HK1: variants seen among roughly 807,000 people sequenced by gnomAD.
HK1 encodes the protein hexokinase 1.
A neutral mutation model predicts 91.6 loss-of-function variants in HK1; 28 were observed. That is an observed-to-expected ratio of 0.31 (90% CI 0.23 to 0.42). HK1 has a LOEUF of 0.42. Ranked by LOEUF, HK1 falls within the 10% of genes least tolerant of loss-of-function variation. The pLI, the probability that HK1 is intolerant of heterozygous loss-of-function variation, is 1.00. For synonymous variants in HK1, 430 were observed against 468.1 expected, an observed-to-expected ratio of 0.92 and a Z score of 1.05; for missense variants, 770 against 1,219.8, an observed-to-expected ratio of 0.63 and a Z score of 5.49.
chr10:69,270,398 T>A (rs1344514487), intron 1 of HK1, among the ~76,000 whole-genome samples: 3 of 152,090 alleles, frequency 2.0e-5, no homozygotes, highest in Non-Finnish European at 4.4e-5. Flanking sequence ...CTGGCCAACA[T>A]GGTGAAACCT....
chr10:69,338,788 T>G (rs1369486729), intron 1 of HK1: 3 of 936,756 alleles, frequency 3.2e-6, no homozygotes, highest in South Asian at 1.7e-5. Flanking sequence ...TGTGTGTGTG[T>G]AGAGAGAGAG....
At chr10:69,393,220 A>G (rs1201890059) in intron 15 of HK1, among the ~76,000 whole-genome samples, 1 of 152,070 alleles carries the variant, frequency 6.6e-6, no homozygotes, top group Non-Finnish European at 1.5e-5. Flanking sequence ...ACCTCAGGTG[A>G]TCCGCCTGTC....
chr10:69,323,294 C>T (rs1380649134), intron 1 of HK1, among the ~76,000 whole-genome samples: 3 of 147,884 alleles, frequency 2.0e-5, no homozygotes, highest in Non-Finnish European at 4.5e-5. Flanking sequence ...CTTGCAGTGG[C>T]AAAGAAAAAA....
At chr10:69,291,487 C>T (rs1845295268) in intron 3 of HK1, among the ~76,000 whole-genome samples, 1 of 152,106 alleles carries the variant, frequency 6.6e-6, no homozygotes, top group Non-Finnish European at 1.5e-5. Flanking sequence ...TCCCAAAGGC[C>T]CAGTGAAGAA....
chr10:69,325,272 C>T (rs527468917), intron 1 of HK1, among the ~76,000 whole-genome samples: 26 of 151,498 alleles, frequency 1.7e-4, no homozygotes, highest in Non-Finnish European at 3.4e-4. Flanking sequence ...AGGATGGTCT[C>T]GATCTCCTGA....
At chr10:69,347,109 A>G (rs1432282337) in intron 2 of HK1, among the ~76,000 whole-genome samples, 1 of 151,394 alleles carries the variant, frequency 6.6e-6, no homozygotes, top group Admixed American at 6.6e-5. Context: ...CGATGGTTCA[A>G]GCGATCCTCC....
chr10:69,306,478 G>A (rs1239445934), intron 5 of HK1, among the ~76,000 whole-genome samples: 1 of 152,196 alleles, frequency 6.6e-6, no homozygotes, highest in East Asian at 1.9e-4. Flanking sequence ...AAAGAGACAA[G>A]GGGTTGCATT....
chr10:69,382,255 G>A (rs927606301), intron 9 of HK1, among the ~76,000 whole-genome samples: 11 of 152,112 alleles, frequency 7.2e-5, no homozygotes, highest in African/African-American at 2.2e-4. Context: ...GCCGGGCGTG[G>A]CCCCAGCTAC....
At chr10:69,323,244 C>G (rs1426801658) in intron 1 of HK1, among the ~76,000 whole-genome samples, 1 of 92,420 alleles carries the variant, frequency 1.1e-5, no homozygotes, top group Non-Finnish European at 2.2e-5. Flanking sequence ...AACTCTGTCT[C>G]AAAAAAAAAA....
At chr10:69,297,661 G>A (rs922332477) in intron 4 of HK1, among the ~76,000 whole-genome samples, 6 of 151,798 alleles carry the variant, frequency 4.0e-5, no homozygotes, top group Non-Finnish European at 8.8e-5. Flanking sequence ...TTGGAAGGCC[G>A]GGGTTGGCGT....
rs550752226 is a variant in HK1, at chr10:69,375,146, C to T, written c.876-1788C>T. The stretch of plus-strand genomic sequence containing the variant: ...CGTGAAATGGGGATAATGCTAATGT[C>T]TCCCTCCTAGGGTTGTAATGAGGAT... On this transcript the variant is annotated intron_variant, in intron 7 of 17. Coordinates refer to ENST00000359426, the MANE Select transcript of HK1 (RefSeq NM_000188.3). Among the ~76,000 whole-genome samples the T allele has an allele frequency of 1.2e-4, 19 of 152,296 alleles. No homozygotes were observed. In the East Asian group the frequency reaches 3.5e-3, roughly 28 times the overall value.
At chr10:69,309,555 G>A (rs1393845894) in intron 5 of HK1, among the ~76,000 whole-genome samples, 11 of 127,898 alleles carry the variant, frequency 8.6e-5, no homozygotes, top group Non-Finnish European at 1.6e-4. Flanking sequence ...TAATCCCAGC[G>A]CTTTGGGAGG....
intron 8 of HK1, among the ~76,000 whole-genome samples, chr10:69,378,200 G>A (rs986932843): frequency 1.3e-5 from 2 of 152,096 alleles, no homozygotes; most frequent in African/African-American, 4.8e-5. Context: ...GCCAAGTCAG[G>A]AAATGCATGC....
intron 1 of HK1, among the ~76,000 whole-genome samples, chr10:69,325,680 T>G (rs375139411): frequency 9.9e-5 from 15 of 151,008 alleles, no homozygotes; most frequent in East Asian, 5.9e-4. Flanking sequence ...GGGATTACAG[T>G]CGCCTGCCAC....
intron 5 of HK1, among the ~76,000 whole-genome samples, chr10:69,301,737 A>T (rs770437662): frequency 1.3e-5 from 2 of 152,198 alleles, no homozygotes; most frequent in Non-Finnish European, 2.9e-5. Context: ...ATGGAAAGAC[A>T]TCCCATGTTC....
chr10:69,297,592 G>A (rs1845629854), intron 4 of HK1, among the ~76,000 whole-genome samples: 1 of 152,112 alleles, frequency 6.6e-6, no homozygotes, highest in African/African-American at 2.4e-5. Context: ...AAGCATCGCA[G>A]CTTTAGAATT....
rs1415192475 is a variant in HK1, at chr10:69,360,010, A to G, written c.340A>G (p.Thr114Ala). ...TCACATGGAGTCCGAGGTTTATGAC[A>G]CCCCAGAGAACATCGTGCACGGCAG... ...NVHMESEVYD[T>A]PENIVHGSGS... Residue 114 changes from threonine to alanine, a missense_variant, in exon 3 of 18, where the codon ACC (threonine) becomes GCC (alanine). Around this residue, in one of 7 missense-constraint regions of HK1, gnomAD observed 449 missense variants for 665.1 expected, o/e 0.68. Coordinates refer to ENST00000359426, the MANE Select transcript of HK1 (RefSeq NM_000188.3). The G allele has an allele frequency of 6.2e-7, 1 of 1,614,046 alleles. No individual in the cohort carries two copies.
At chr10:69,377,771 G>T (rs1164143562) in intron 8 of HK1, among the ~76,000 whole-genome samples, 4 of 152,256 alleles carry the variant, frequency 2.6e-5, no homozygotes, top group Non-Finnish European at 4.4e-5. Context: ...CTTCTTTTGT[G>T]CTTGAAACCA....
intron 2 of HK1, among the ~76,000 whole-genome samples, chr10:69,352,513 CATATA>C (rs781246668): frequency 5.3e-5 from 8 of 152,130 alleles, no homozygotes; most frequent in Non-Finnish European, 1.0e-4. Flanking sequence ...GTGATATATA[CATATA>C]ATGGAATATA....
Sources: allele counts gnomAD v4.1 joint callset (sites outside exome capture counted in the v4.1 genomes callset), GRCh38; gene constraint gnomAD v4.1.1; regional missense constraint gnomAD v4.1.1; transcripts MANE v1.5; gene names NCBI Gene and HGNC (gene_info 2026-07-23, HGNC 2026-07-21).